The following SPATS2 variants were observed in gnomAD, a reference collection of about 807,000 sequenced individuals.
SPATS2 encodes the protein spermatogenesis-associated serine-rich protein 2.
SPATS2 carries 38 observed loss-of-function variants against 63.7 expected under a neutral mutation model. That is an observed-to-expected ratio of 0.60 (90% CI 0.46 to 0.78). The LOEUF is 0.78. SPATS2 is among the 30% of genes least tolerant of loss of function. The probability of loss-of-function intolerance (pLI) is 0.00; values close to 1 mark genes in which losing one functional copy is unlikely to be tolerated. For synonymous variants in SPATS2, 207 were observed against 232.9 expected (o/e 0.89, Z 1.01); for missense variants, 588 against 666.2 (o/e 0.88, Z 1.29).
intron 2 of SPATS2, among the ~76,000 whole-genome samples, chr12:49,444,828 T>G (rs1945483463): frequency 6.6e-6 from 1 of 152,112 alleles, no homozygotes; most frequent in Non-Finnish European, 1.5e-5. Flanking sequence ...AGTCTTGAAC[T>G]CCTGATCTCT....
At chr12:49,369,030 C>CTTTTTT (rs35158946) in intron 1 of SPATS2, among the ~76,000 whole-genome samples, 27 of 102,574 alleles carry the variant, frequency 2.6e-4, no homozygotes, top group South Asian at 6.6e-4. Context: ...CAATGTGCCT[C>CTTTTTT]TTTTTTTTTT....
intron 8 of SPATS2, among the ~76,000 whole-genome samples, chr12:49,499,434 GTTTT>G (rs1946526255): frequency 6.9e-6 from 1 of 145,290 alleles, no homozygotes; most frequent in African/African-American, 2.6e-5. Context: ...GTTTTGTTTT[GTTTT>G]GTTTTTTGGT....
chr12:49,478,279 A>G (rs1282363273), intron 3 of SPATS2, among the ~76,000 whole-genome samples: 7 of 152,132 alleles, frequency 4.6e-5, no homozygotes, highest in African/African-American at 1.7e-4. Context: ...GCAGCCAGCC[A>G]GAATCTTTAG....
intron 9 of SPATS2, chr12:49,512,996 C>A: frequency 9.1e-7 from 1 of 1,100,152 alleles, no homozygotes; most frequent in Non-Finnish European, 1.2e-6. Context: ...ATATGTCAAC[C>A]AAATTTGTTT....
intron 2 of SPATS2, among the ~76,000 whole-genome samples, chr12:49,409,592 ATTTTTTTTTTTTTT>A (rs753378038): frequency 1.9e-4 from 14 of 73,546 alleles, no homozygotes; most frequent in Middle Eastern, 0.018. Context: ...GTGCCCAGCA[ATTTTTTTTTTTTTT>A]TTTTTTTTTT....
At position 49,527,350 on chromosome 12, in the gene SPATS2, T is replaced by G. The variant is rs1947052927; in HGVS notation, c.*1095T>G. 1 of 152,184 alleles carries G rather than the reference T, an allele frequency of 6.6e-6. No individual in the cohort carries two copies. Among genetic ancestry groups the G allele is most frequent in the South Asian group, 2.1e-4 (1 of 4,832 alleles). 9.4% of individuals were successfully genotyped at this position (152,184 alleles called of 1,614,324 possible). A position where few individuals can be genotyped will look rare whatever the true frequency, so the allele number is the denominator to read the frequency against. On this transcript the variant is annotated 3_prime_UTR_variant, in exon 14 of 14. Transcript: ENST00000552918. ...TATAGCAATATAATTAGTGTTAATC[T>G]AAGGCATTACTCATCAAAAAAATTG...
At chr12:49,505,780 A>G (rs945598060) in intron 9 of SPATS2, among the ~76,000 whole-genome samples, 4 of 152,226 alleles carry the variant, frequency 2.6e-5, no homozygotes, top group African/African-American at 9.6e-5. Context: ...CCTAAGTTGC[A>G]GATCCAATAT....
intron 2 of SPATS2, among the ~76,000 whole-genome samples, chr12:49,417,525 T>C (rs1176497324): frequency 1.3e-5 from 2 of 152,244 alleles, no homozygotes; most frequent in South Asian, 2.1e-4. Flanking sequence ...GCTCACCTTA[T>C]GTGGTGATCT....
chr12:49,415,608 T>C (rs963691813), intron 2 of SPATS2, among the ~76,000 whole-genome samples: 4 of 152,242 alleles, frequency 2.6e-5, no homozygotes, highest in African/African-American at 9.6e-5. Context: ...TTTTCCACAT[T>C]ACTGCAGATG....
intron 2 of SPATS2, among the ~76,000 whole-genome samples, chr12:49,394,052 G>A (rs938255127): frequency 6.6e-6 from 1 of 151,792 alleles, no homozygotes; most frequent in Non-Finnish European, 1.5e-5. Flanking sequence ...ATGGATTTTA[G>A]AACTAGTTTG....
chr12:49,449,080 G>C (rs942071640), intron 2 of SPATS2, among the ~76,000 whole-genome samples: 2 of 152,232 alleles, frequency 1.3e-5, no homozygotes, highest in Admixed American at 1.3e-4. Context: ...TGGCCCTTGG[G>C]CCATAGTCTG....
intron 2 of SPATS2, among the ~76,000 whole-genome samples, chr12:49,408,804 C>A (rs900198206): frequency 3.9e-5 from 6 of 152,000 alleles, no homozygotes; most frequent in Admixed American, 2.6e-4. Flanking sequence ...GATCCACCCA[C>A]CTCGGCTTCC....
At chr12:49,471,595 GT>G (rs1946035141) in intron 3 of SPATS2, among the ~76,000 whole-genome samples, 1 of 152,156 alleles carries the variant, frequency 6.6e-6, no homozygotes, top group Non-Finnish European at 1.5e-5. Context: ...GCCTCCCAAA[GT>G]GCTTGGATTA....
chr12:49,419,243 C>T (rs1222173614), intron 2 of SPATS2, among the ~76,000 whole-genome samples: 15 of 152,302 alleles, frequency 9.8e-5, no homozygotes, highest in Non-Finnish European at 5.9e-5. Context: ...TTAAGACTTA[C>T]AATATAGTAG....
intron 3 of SPATS2, among the ~76,000 whole-genome samples, chr12:49,473,254 A>G (rs1267073634): frequency 1.3e-5 from 2 of 152,026 alleles, no homozygotes; most frequent in African/African-American, 4.8e-5. Flanking sequence ...CATCTCTACT[A>G]AAAATAAAAA....
intron 2 of SPATS2, among the ~76,000 whole-genome samples, chr12:49,452,115 C>T (rs1373250074): frequency 6.6e-6 from 1 of 152,116 alleles, no homozygotes; most frequent in Non-Finnish European, 1.5e-5. Context: ...AGCTATAATT[C>T]ATTGAGCTTC....
chr12:49,396,033 G>A (rs1944504869), intron 2 of SPATS2, among the ~76,000 whole-genome samples: 1 of 152,174 alleles, frequency 6.6e-6, no homozygotes, highest in Admixed American at 6.5e-5. Flanking sequence ...CTTTCACTTA[G>A]CATAGTGTTT....
chr12:49,481,946 A>T (rs1303635379), intron 3 of SPATS2, among the ~76,000 whole-genome samples: 2 of 152,178 alleles, frequency 1.3e-5, no homozygotes, highest in Non-Finnish European at 2.9e-5. Flanking sequence ...TTACCAATAG[A>T]ATTAGGTAAA....
intron 13 of SPATS2, among the ~76,000 whole-genome samples, chr12:49,525,597 G>A (rs1296284979): frequency 6.6e-6 from 1 of 152,156 alleles, no homozygotes; most frequent in African/African-American, 2.4e-5. Flanking sequence ...CTTTACCAAT[G>A]GCCTTTTATC....
Sources: gnomAD v4.1 joint callset for allele counts (sites outside exome capture counted in the v4.1 genomes callset) on GRCh38, gnomAD v4.1.1 for gene constraint, MANE v1.5 for transcripts, NCBI Gene and HGNC (gene_info 2026-07-23, HGNC 2026-07-21) for gene names.